SCAI: variants seen among roughly 807,000 people sequenced by gnomAD.
SCAI encodes suppressor of cancer cell invasion.
Under a neutral mutation model 92.2 loss-of-function variants are expected in SCAI, and 24 were observed. The observed-to-expected ratio is 0.26, with a 90% CI of 0.19 to 0.37. The LOEUF is 0.37. Among genes scored for constraint, SCAI ranks in the 10% least tolerant of loss-of-function variants. SCAI has a pLI of 1.00. For synonymous variants in SCAI, 261 were observed against 258.6 expected, an observed-to-expected ratio of 1.01 and a Z score of -0.09; for missense variants, 450 against 736.2, an observed-to-expected ratio of 0.61 and a Z score of 4.50.
intron 2 of SCAI, among the ~76,000 whole-genome samples, chr9:125,137,239 T>A (rs1398519075): frequency 6.6e-6 from 1 of 152,156 alleles, no homozygotes; most frequent in Non-Finnish European, 1.5e-5. Flanking sequence ...TCCATTCAGG[T>A]CAAAATGCTG....
chr9:125,024,485 C>G (rs939116585), intron 6 of SCAI, among the ~76,000 whole-genome samples: 1 of 152,098 alleles, frequency 6.6e-6, no homozygotes, highest in Admixed American at 6.6e-5. Flanking sequence ...CCATGTTAAC[C>G]AGGATGGTCT....
At chr9:125,031,989 A>G (rs534421548) in intron 3 of SCAI, among the ~76,000 whole-genome samples, 1 of 151,896 alleles carries the variant, frequency 6.6e-6, no homozygotes, top group East Asian at 1.9e-4. Context: ...CTCTAAGTTT[A>G]TCTGTCTACC....
At chr9:125,118,280 A>T (rs1202560030) in intron 2 of SCAI, among the ~76,000 whole-genome samples, 1 of 152,168 alleles carries the variant, frequency 6.6e-6, no homozygotes, top group African/African-American at 2.4e-5. Context: ...TTGAGAGGCC[A>T]GCACAGGAGG....
At chr9:125,108,561 G>A (rs10986564) in intron 2 of SCAI, among the ~76,000 whole-genome samples, 2,605 of 142,896 alleles carry the variant, frequency 0.018, 118 homozygotes, top group East Asian at 0.14. Flanking sequence ...CTGCCCAGCC[G>A]CCCCGTCTGA....
At chr9:125,142,490 A>C in intron 2 of SCAI, 143 bp downstream of exon 2, 1 of 620,690 alleles carries the variant, frequency 1.6e-6, no homozygotes, top group Non-Finnish European at 2.8e-6. Flanking sequence ...CTCAAAAGAA[A>C]AATCATGCAT....
chr9:124,985,591 G>C (rs917963667), intron 14 of SCAI, among the ~76,000 whole-genome samples: 1 of 152,106 alleles, frequency 6.6e-6, no homozygotes, highest in African/African-American at 2.4e-5. Context: ...ATTTCAGCTG[G>C]GCACGGTGGC....
At chr9:125,013,958 G>A (rs375749656) in intron 9 of SCAI, among the ~76,000 whole-genome samples, 1 of 151,986 alleles carries the variant, frequency 6.6e-6, no homozygotes, top group East Asian at 1.9e-4. Flanking sequence ...ATGCAGAAAA[G>A]GCCTTTGACA....
At chr9:125,011,605 C>T (rs569838240) in intron 9 of SCAI, among the ~76,000 whole-genome samples, 4 of 152,338 alleles carry the variant, frequency 2.6e-5, no homozygotes, top group African/African-American at 9.6e-5. Context: ...TTGGAAAACA[C>T]TCTGCGGATA....
chr9:125,029,796 A>G, intron 3 of SCAI, 57 bp from the exon 4 acceptor site: 3 of 1,008,368 alleles, frequency 3.0e-6, no homozygotes, highest in Non-Finnish European at 4.4e-6. Flanking sequence ...TTTGGAAATT[A>G]TGTCTTGTGA....
rs951601716 is a variant in SCAI at position 125,091,406 on chromosome 9, G to A, written c.99-35399C>T. Among the ~76,000 whole-genome samples the A allele has an allele frequency of 2.6e-5, 4 of 151,680 alleles. No homozygotes were observed. The highest frequency in any genetic ancestry group is 4.4e-5 in the Non-Finnish European group (3 of 68,026). On this transcript the variant is annotated intron_variant, in intron 2 of 17. Coordinates refer to ENST00000336505, the MANE Select transcript of SCAI (RefSeq NM_001144877.3). This position sits in a 1 kb window ranked among gnomAD's most constrained non-coding sequence, Gnocchi z 4.3. ...CAAGAACCTTTCCTGGAACAATGCCGTTTCTTTTTTGCTTTTTTAATGACC... is the reference window on the plus strand; with the variant it reads ...CAAGAACCTTTCCTGGAACAATGCCATTTCTTTTTTGCTTTTTTAATGACC...
chr9:125,130,936 C>CTTTTTTTTTTTT lies in SCAI; in HGVS notation c.98+11685_98+11696dup, dbSNP rs545651994. Reference sequence around the variant, plus strand: ...CTTATCTGGATCTTGGTTTGAACCGCTTTTTTTTTTTTTTTTTTTTTTTTT... The same window carrying CTTTTTTTTTTTT: ...CTTATCTGGATCTTGGTTTGAACCGCTTTTTTTTTTTTTTTTTTTTTTTTTTTTTTTTTTTTT... On this transcript the variant is annotated intron_variant, in intron 2 of 17. Transcript: ENST00000336505. Among the ~76,000 whole-genome samples the CTTTTTTTTTTTT allele has an allele frequency of 6.5e-5, 5 of 77,290 alleles. 1 individual carries two copies. Among genetic ancestry groups the CTTTTTTTTTTTT allele is most frequent in the Non-Finnish European group, 1.3e-4 (5 of 38,254 alleles). 50.7% of individuals were successfully genotyped at this position (77,290 alleles called of 152,430 possible).
At chr9:125,141,121 G>C (rs1835656178) in intron 2 of SCAI, among the ~76,000 whole-genome samples, 1 of 152,036 alleles carries the variant, frequency 6.6e-6, no homozygotes, top group African/African-American at 2.4e-5. Flanking sequence ...TTTTCCAATA[G>C]CTGATCAAGT....
chr9:125,001,908 T>C (rs1194354290), intron 12 of SCAI, 57 bp downstream of exon 12: 5 of 1,263,618 alleles, frequency 4.0e-6, no homozygotes, highest in African/African-American at 2.9e-5. Context: ...CATCGTCTTG[T>C]AGAAAATAAA....
intron 2 of SCAI, among the ~76,000 whole-genome samples, chr9:125,107,419 A>G (rs190437634): frequency 4.9e-4 from 74 of 151,170 alleles, no homozygotes; most frequent in African/African-American, 1.8e-3. Flanking sequence ...AAAAAAAAAA[A>G]AAAGAAAAAG....
chr9:125,046,462 C>G (rs935723432), intron 3 of SCAI, among the ~76,000 whole-genome samples: 49 of 147,236 alleles, frequency 3.3e-4, no homozygotes, highest in African/African-American at 7.5e-4. Context: ...GAATGGAAAA[C>G]CAAACATCAT....
intron 15 of SCAI, among the ~76,000 whole-genome samples, chr9:124,973,851 C>A (rs188268847): frequency 2.6e-5 from 4 of 152,232 alleles, no homozygotes; most frequent in East Asian, 3.9e-4. Context: ...AAATAAATTT[C>A]TCTACATGCT....
chr9:125,072,185 A>G (rs957589104), intron 2 of SCAI, among the ~76,000 whole-genome samples: 1 of 152,110 alleles, frequency 6.6e-6, no homozygotes, highest in Non-Finnish European at 1.5e-5. Flanking sequence ...CACCACGCCC[A>G]GCTAATTTTT....
intron 2 of SCAI, among the ~76,000 whole-genome samples, chr9:125,123,207 C>CA (rs536446918): frequency 4.3e-4 from 66 of 152,092 alleles, no homozygotes; most frequent in Admixed American, 3.6e-3. Context: ...AATAAAACTA[C>CA]AAAAAATCAG....
chr9:124,967,985 T>G (rs1831573253), intron 17 of SCAI, among the ~76,000 whole-genome samples: 1 of 152,212 alleles, frequency 6.6e-6, no homozygotes, highest in African/African-American at 2.4e-5. Flanking sequence ...CCTGCTGGAA[T>G]TTTTCCTTCT....
Sources: gnomAD v4.1 joint callset for allele counts (sites outside exome capture counted in the v4.1 genomes callset) on GRCh38, gnomAD v4.1.1 for gene constraint, Gnocchi (gnomAD v3.1) non-coding constraint, MANE v1.5 for transcripts, NCBI Gene and HGNC (gene_info 2026-07-23, HGNC 2026-07-21) for gene names.